UBE2D2: variants seen among roughly 807,000 people sequenced by gnomAD.
UBE2D2 encodes the protein ubiquitin-conjugating enzyme E2 D2.
Under a neutral mutation model 24.2 loss-of-function variants are expected in UBE2D2, and 2 were observed. The ratio of observed to expected loss-of-function variants is 0.08; its 90% confidence interval spans 0.03 to 0.26. UBE2D2 has a LOEUF of 0.26. Ranked by LOEUF, UBE2D2 falls within the 10% of genes least tolerant of loss-of-function variation. The pLI, the probability that UBE2D2 is intolerant of heterozygous loss-of-function variation, is 1.00. For missense variants in UBE2D2, 44 were observed against 177.6 expected (o/e 0.25, Z 4.28); for synonymous variants, 58 against 56.5 (o/e 1.03, Z -0.12).
chr5:139,561,743 T>TG lies in UBE2D2; in HGVS notation c.-49_-48insG. On this transcript the variant is annotated 5_prime_UTR_variant, in exon 1 of 7. Transcript: ENST00000398733. ...GCTCCCTAGCCCCTTCCCCGTCCCT[T>TG]CCCCGCCCCCGTCCCCGCCCCGGGG... The TG allele has an allele frequency of 1.6e-4, 215 of 1,349,078 alleles. No individual in the cohort carries two copies. The highest frequency in any genetic ancestry group is 2.4e-4 in the Middle Eastern group (1 of 4,250). The allele number at this position is 1,349,078 out of a possible 1,614,324, so 83.6% of individuals were successfully genotyped here.
At chr5:139,600,093 C>T (rs1344982565) in intron 1 of UBE2D2, among the ~76,000 whole-genome samples, 3 of 152,094 alleles carry the variant, frequency 2.0e-5, no homozygotes, top group South Asian at 2.1e-4. Flanking sequence ...CCATCACGCC[C>T]GGCCCATAAT....
At chr5:139,595,797 A>T (rs1178722451) in intron 1 of UBE2D2, among the ~76,000 whole-genome samples, 1 of 151,572 alleles carries the variant, frequency 6.6e-6, no homozygotes, top group African/African-American at 2.4e-5. Flanking sequence ...TGTAAAAGCA[A>T]TATATATAGT....
intron 1 of UBE2D2, among the ~76,000 whole-genome samples, chr5:139,572,226 T>G (rs1753365668): frequency 6.6e-6 from 1 of 152,232 alleles, no homozygotes; most frequent in Non-Finnish European, 1.5e-5. Flanking sequence ...TTTCCCAACT[T>G]TATTAGAATG....
chr5:139,620,706 C>T (rs1353906642), intron 5 of UBE2D2, among the ~76,000 whole-genome samples: 2 of 152,194 alleles, frequency 1.3e-5, no homozygotes, highest in African/African-American at 4.8e-5. Flanking sequence ...AGCCCTTGAT[C>T]TCTATAGGAT....
At position 139,623,335 on chromosome 5, in the gene UBE2D2, C is replaced by T. The variant is rs376150447; in HGVS notation, c.305-33C>T. 3.4e-5 allele frequency: 51 copies of T among 1,508,884 alleles called. No individual in the cohort carries two copies. In the Middle Eastern group the frequency reaches 5.3e-4, roughly 16 times the overall value. The allele number at this position is 1,508,884 out of a possible 1,614,324, so 93.5% of individuals were successfully genotyped here. ...TTTCTCTCAACCCTTTGCTTTGATC[C>T]TCTGCTAATTTATATGATTTTTTTC... On this transcript the variant is annotated intron_variant, in intron 5 of 6. Transcript: ENST00000398733.
chr5:139,576,239 TTC>T (rs1427774857), intron 1 of UBE2D2, among the ~76,000 whole-genome samples: 1 of 152,194 alleles, frequency 6.6e-6, no homozygotes, highest in Admixed American at 6.6e-5. Context: ...TCTCTCACAG[TTC>T]TGGAGGCCAG....
intron 1 of UBE2D2, among the ~76,000 whole-genome samples, chr5:139,531,667 GAAAAT>G (rs1423623020): frequency 1.8e-4 from 27 of 149,934 alleles, no homozygotes; most frequent in Non-Finnish European, 2.8e-4. Context: ...GAAAAGAAAA[GAAAAT>G]AATGCCTGGC....
At chr5:139,564,082 A>G (rs1036288140) in intron 1 of UBE2D2, among the ~76,000 whole-genome samples, 1 of 152,212 alleles carries the variant, frequency 6.6e-6, no homozygotes, top group African/African-American at 2.4e-5. Flanking sequence ...GAGTTGCTAC[A>G]TATTTTCTAG....
intron 6 of UBE2D2, among the ~76,000 whole-genome samples, chr5:139,625,553 C>T (rs1157458128): frequency 1.3e-5 from 2 of 150,050 alleles, no homozygotes; most frequent in Non-Finnish European, 3.0e-5. Flanking sequence ...AAGTAGTCCT[C>T]CCATCTGAGC....
At chr5:139,570,040 G>T (rs1193264822) in intron 1 of UBE2D2, among the ~76,000 whole-genome samples, 1 of 152,112 alleles carries the variant, frequency 6.6e-6, no homozygotes, top group Non-Finnish European at 1.5e-5. Flanking sequence ...AGGATTGCTT[G>T]TACCTAGGAG....
chr5:139,596,908 G>C (rs1160980687), intron 1 of UBE2D2, among the ~76,000 whole-genome samples: 1 of 151,784 alleles, frequency 6.6e-6, no homozygotes, highest in African/African-American at 2.4e-5. Flanking sequence ...TTAGCCCGGC[G>C]TGGTGGTGGG....
At chr5:139,531,550 G>C (rs1752596804) in intron 1 of UBE2D2, among the ~76,000 whole-genome samples, 1 of 150,992 alleles carries the variant, frequency 6.6e-6, no homozygotes, top group African/African-American at 2.4e-5. Flanking sequence ...TTTGTCTGTG[G>C]CTTGTCCTGC....
rs1355322427 is a variant in UBE2D2, at chr5:139,547,704, A to AT, written c.-64+21100dup. Among the ~76,000 whole-genome samples the AT allele has an allele frequency of 4.6e-4, 68 of 147,030 alleles. 1 individual carries two copies. Among genetic ancestry groups the AT allele is most frequent in the Non-Finnish European group, 1.7e-4 (11 of 66,362 alleles). ...CTAATTTTATTTTATTTATTTTTTT[A>AT]TTTTTTTTGAGACGGAGTCTCGCTC... On this transcript the variant is annotated intron_variant, in intron 1 of 6. Transcript: ENST00000511725.
chr5:139,582,666 ATTTTTTTTTTTT>A (rs1195507116), intron 1 of UBE2D2, among the ~76,000 whole-genome samples: 1 of 112,328 alleles, frequency 8.9e-6, no homozygotes, highest in Non-Finnish European at 1.7e-5. Flanking sequence ...TTAGATTCGA[ATTTTTTTTTTTT>A]TTTTTTTTTT....
chr5:139,546,869 CCTTT>C (rs1398309833), intron 1 of UBE2D2, among the ~76,000 whole-genome samples: 9 of 109,352 alleles, frequency 8.2e-5, no homozygotes, highest in East Asian at 2.6e-4. Flanking sequence ...TTCCTTCCTT[CCTTT>C]CTTTCCTTCT....
At chr5:139,604,204 G>A (rs377550406) in intron 2 of UBE2D2, among the ~76,000 whole-genome samples, 10 of 150,522 alleles carry the variant, frequency 6.6e-5, no homozygotes, top group South Asian at 2.1e-4. Flanking sequence ...GCAGTGGTGC[G>A]GTCTTGGCTC....
At chr5:139,618,675 G>A (rs890018825) in intron 5 of UBE2D2, among the ~76,000 whole-genome samples, 5 of 152,226 alleles carry the variant, frequency 3.3e-5, no homozygotes, top group African/African-American at 9.6e-5. Context: ...CTTGCCTAGC[G>A]TTGATTTTTT....
intron 1 of UBE2D2, among the ~76,000 whole-genome samples, chr5:139,574,085 CTTTT>C (rs913940070): frequency 6.9e-6 from 1 of 144,724 alleles, no homozygotes. Flanking sequence ...TAACTTCTCT[CTTTT>C]TTTTTTTTGA....
At chr5:139,535,253 C>T (rs1308684192) in intron 1 of UBE2D2, among the ~76,000 whole-genome samples, 3 of 147,740 alleles carry the variant, frequency 2.0e-5, no homozygotes, top group African/African-American at 7.5e-5. Context: ...AAGACCAGCC[C>T]GGCCAAGATG....
Sources: gnomAD v4.1 joint callset for allele counts (sites outside exome capture counted in the v4.1 genomes callset) on GRCh38, gnomAD v4.1.1 for gene constraint, MANE v1.5 for transcripts, NCBI Gene and HGNC (gene_info 2026-07-23, HGNC 2026-07-21) for gene names.